Variants in NMT2 observed in about 807,000 individuals in gnomAD.
NMT2 encodes the protein N-myristoyltransferase 2, also known as glycylpeptide N-tetradecanoyltransferase 2.
NMT2 carries 35 observed loss-of-function variants against 65.4 expected under a neutral mutation model. The ratio of observed to expected loss-of-function variants is 0.54; its 90% CI spans 0.41 to 0.71. The LOEUF is 0.71. Among genes scored for constraint, NMT2 ranks in the 30% least tolerant of loss-of-function variants. The pLI is 0.00. For missense variants in NMT2, 489 were observed against 611.3 expected, an observed-to-expected ratio of 0.80 and a Z score of 2.11; for synonymous variants, 226 against 231.8, an observed-to-expected ratio of 0.98 and a Z score of 0.23.
intron 8 of NMT2, among the ~76,000 whole-genome samples, chr10:15,120,855 C>T (rs369495550): frequency 3.7e-4 from 56 of 152,162 alleles, no homozygotes; most frequent in African/African-American, 8.9e-4. Flanking sequence ...CTGCCAGGGA[C>T]GCGGCCTGGC....
Position 15,108,628 on chromosome 10 carries a change from A to T in NMT2, c.*567T>A. On this transcript the variant is annotated 3_prime_UTR_variant, in exon 12 of 12. Coordinates refer to ENST00000378165, the MANE Select transcript of NMT2 (RefSeq NM_004808.3). ...TTATGGAGAAATACATGTACTAGTC[A>T]CCAGTACATTTTAATATTGCTCTGC... 1 of 987,466 alleles carries T rather than the reference A, an allele frequency of 1.0e-6. No individual in the cohort carries two copies. Among genetic ancestry groups the T allele is most frequent in the Non-Finnish European group, 1.2e-6 (1 of 831,536 alleles). The allele number at this position is 987,466 out of a possible 1,614,324, so 61.2% of individuals were successfully genotyped here. A position where few individuals can be genotyped will look rare whatever the true frequency, so the allele number is the denominator to read the frequency against.
intron 1 of NMT2, chr10:15,155,006 G>A (rs755950078): frequency 1.7e-6 from 2 of 1,186,620 alleles, no homozygotes; most frequent in East Asian, 2.3e-5. Context: ...TGGACAAGAT[G>A]CCAGGACCTG....
chr10:15,168,693 T>G lies in NMT2; in HGVS notation c.-81A>C. ...CTCCCTCTAGTGCCTCCCGCCGTAC[T>G]GCTTGGAGTCGGAGCCCGGGCGCTA... On this transcript the variant is annotated 5_prime_UTR_variant, in exon 1 of 12. Coordinates refer to ENST00000378165, the MANE Select transcript of NMT2 (RefSeq NM_004808.3). 9.8e-7 allele frequency: 1 copy of G among 1,024,734 alleles called. No homozygotes were observed. The highest frequency in any genetic ancestry group is 1.7e-5 in the South Asian group (1 of 58,668). The allele number at this position is 1,024,734 out of a possible 1,614,324, so 63.5% of individuals were successfully genotyped here.
rs139697124 is a variant in NMT2, at chr10:15,118,761, C to T, written c.1170+582G>A. 1.1e-3 allele frequency among the ~76,000 whole-genome samples: 167 copies of T among 152,314 alleles called. 1 individual carries two copies. Among genetic ancestry groups the T allele is most frequent in the Non-Finnish European group, 1.0e-4 (7 of 68,030 alleles). Reference sequence around the variant, plus strand: ...TAAATTTAAAATCTGACCATACCCACGTCTTGTGAGGATGCAAGGAAACAG... The same window carrying T: ...TAAATTTAAAATCTGACCATACCCATGTCTTGTGAGGATGCAAGGAAACAG... On this transcript the variant is annotated intron_variant, in intron 9 of 11. Coordinates refer to ENST00000378165, the MANE Select transcript of NMT2 (RefSeq NM_004808.3).
At chr10:15,161,074 C>T (rs1356935889) in intron 1 of NMT2, among the ~76,000 whole-genome samples, 3 of 8,316 alleles carry the variant, frequency 3.6e-4, no homozygotes, top group Non-Finnish European at 6.3e-4. Flanking sequence ...GACTCTGCCT[C>T]AAAAATCAAA....
Position 15,168,656 on chromosome 10 carries a change from G to T in NMT2, c.-44C>A. On this transcript the variant is annotated 5_prime_UTR_variant, in exon 1 of 12. Transcript: ENST00000378165. ...GGAGGCGGTGCTCGGGGCCGGGCCG[G>T]AGCGGCCGCAGCTCCCTCTAGTGCC... The T allele has an allele frequency of 6.7e-7, 1 of 1,493,128 alleles. No individual in the cohort carries two copies. The highest frequency in any genetic ancestry group is 9.0e-7 in the Non-Finnish European group (1 of 1,107,876). The allele number at this position is 1,493,128 out of a possible 1,614,324, so 92.5% of individuals were successfully genotyped here.
At chr10:15,111,263 C>T (rs1845504621) in intron 10 of NMT2, among the ~76,000 whole-genome samples, 1 of 151,784 alleles carries the variant, frequency 6.6e-6, no homozygotes, top group African/African-American at 2.4e-5. Context: ...GTAATCCCCG[C>T]ACTTTGGGAG....
At chr10:15,121,529 G>A (rs1349726304) in intron 8 of NMT2, among the ~76,000 whole-genome samples, 2 of 152,130 alleles carry the variant, frequency 1.3e-5, no homozygotes, top group Non-Finnish European at 2.9e-5. Flanking sequence ...CACCACGCCC[G>A]GCTAATTTTG....
At chr10:15,162,804 G>T in intron 1 of NMT2, among the ~76,000 whole-genome samples, 1 of 145,332 alleles carries the variant, frequency 6.9e-6, no homozygotes, top group Non-Finnish European at 1.5e-5. Context: ...CTATGTATTT[G>T]ATATTATATA....
intron 8 of NMT2, among the ~76,000 whole-genome samples, chr10:15,128,010 C>T (rs1315135648): frequency 6.6e-6 from 1 of 152,166 alleles, no homozygotes; most frequent in Admixed American, 6.6e-5. Flanking sequence ...CACTTGATTC[C>T]TGAGTTCCAA....
chr10:15,113,052 G>C, intron 9 of NMT2, 89 bp from the exon 10 acceptor site: 1 of 1,362,352 alleles, frequency 7.3e-7, no homozygotes, highest in East Asian at 2.3e-5. Flanking sequence ...CCTTGCCCCA[G>C]AGAACGAAAA....
At chr10:15,168,416 A>G (rs755528244) in intron 1 of NMT2, 87 bp downstream of exon 1, 2 of 938,738 alleles carry the variant, frequency 2.1e-6, no homozygotes, top group South Asian at 1.4e-5. Context: ...AAGAACCCCC[A>G]GTCCTGGGAG....
chr10:15,166,512 C>G (rs1300220865), intron 1 of NMT2, among the ~76,000 whole-genome samples: 5 of 152,168 alleles, frequency 3.3e-5, no homozygotes, highest in Non-Finnish European at 5.9e-5. Context: ...ACATTTACTC[C>G]CCCAAATTTG....
At chr10:15,147,492 C>G (rs1295102332) in intron 1 of NMT2, among the ~76,000 whole-genome samples, 1 of 151,920 alleles carries the variant, frequency 6.6e-6, no homozygotes. Flanking sequence ...TCAGTAACAA[C>G]CCATGATAGT....
intron 1 of NMT2, among the ~76,000 whole-genome samples, chr10:15,151,693 T>G (rs1832807656): frequency 1.3e-5 from 2 of 152,228 alleles, no homozygotes; most frequent in South Asian, 4.1e-4. Context: ...AGGGAGCTGG[T>G]GGCTCAGAAG....
chr10:15,153,553 T>G (rs1832877963), intron 1 of NMT2, among the ~76,000 whole-genome samples: 1 of 152,352 alleles, frequency 6.6e-6, no homozygotes, highest in South Asian at 2.1e-4. Context: ...AGCTGACCTC[T>G]GAATACGTCA....
intron 2 of NMT2, chr10:15,141,000 C>A (rs747376502): frequency 2.6e-6 from 4 of 1,550,928 alleles, no homozygotes; most frequent in Non-Finnish European, 3.5e-6. Flanking sequence ...TGGCTGCTCC[C>A]GCTGAAATCT....
chr10:15,150,594 C>A (rs577944122), intron 1 of NMT2, among the ~76,000 whole-genome samples: 1 of 152,102 alleles, frequency 6.6e-6, no homozygotes, highest in Non-Finnish European at 1.5e-5. Flanking sequence ...GCAACATCGT[C>A]TCTGTGCAAA....
At chr10:15,122,884 C>A (rs7077202) in intron 8 of NMT2, among the ~76,000 whole-genome samples, 61,993 of 151,234 alleles carry the variant, frequency 0.41, 17,164 homozygotes, top group African/African-American at 0.8. Context: ...TATACTCAGA[C>A]GAGAATGAAA....
Sources: gnomAD v4.1 joint callset for allele counts (sites outside exome capture counted in the v4.1 genomes callset) on GRCh38, gnomAD v4.1.1 for gene constraint, MANE v1.5 for transcripts, NCBI Gene and HGNC (gene_info 2026-07-23, HGNC 2026-07-21) for gene names.